PREX1: variants seen among roughly 807,000 people sequenced by gnomAD.
PREX1 encodes phosphatidylinositol-3,4,5-trisphosphate dependent Rac exchange factor 1, also known as phosphatidylinositol 3,4,5-trisphosphate-dependent Rac exchanger 1 protein.
Under a neutral mutation model 198.3 loss-of-function variants are expected in PREX1, and 41 were observed. The ratio of observed to expected loss-of-function variants is 0.21; its 90% confidence interval spans 0.16 to 0.27. PREX1 has a LOEUF of 0.27. Ranked by LOEUF, PREX1 falls within the 10% of genes least tolerant of loss-of-function variation. The probability of loss-of-function intolerance (pLI) is 1.00; values close to 1 mark genes in which losing one functional copy is unlikely to be tolerated. For synonymous variants in PREX1, 843 were observed against 887.2 expected (o/e 0.95, Z 0.89); for missense variants, 1,620 against 2,200.7 (o/e 0.74, Z 5.28).
the PREX1 span, among the ~76,000 whole-genome samples, chr20:48,873,703 A>G: frequency 6.6e-6 from 1 of 152,048 alleles, no homozygotes; most frequent in South Asian, 2.1e-4. Flanking sequence ...CTGGATGACA[A>G]TAGCGAGACT....
At chr20:48,630,946 C>T (rs1159467474) in intron 35 of PREX1, 152 bp from the exon 36 acceptor site, 4 of 631,894 alleles carry the variant, frequency 6.3e-6, no homozygotes, top group East Asian at 2.8e-5. Context: ...TGTGCTCACC[C>T]GCAGGCACCT....
At chr20:48,696,509 C>A in intron 7 of PREX1, among the ~76,000 whole-genome samples, 1 of 152,162 alleles carries the variant, frequency 6.6e-6, no homozygotes, top group Non-Finnish European at 1.5e-5. Flanking sequence ...CCAGTAATAA[C>A]GGTCCCCTAG....
intron 1 of PREX1, among the ~76,000 whole-genome samples, chr20:48,810,774 C>T (rs1656649586): frequency 6.6e-6 from 1 of 151,036 alleles, no homozygotes; most frequent in African/African-American, 2.4e-5. Context: ...GTAGTCCCAG[C>T]TACTTGGGAG....
upstream of PREX1, among the ~76,000 whole-genome samples, chr20:48,829,080 G>A (rs1308950989): frequency 6.6e-6 from 1 of 152,158 alleles, no homozygotes; most frequent in Non-Finnish European, 1.5e-5. Flanking sequence ...GGTCCTCCCC[G>A]GGGTTCCATG....
At chr20:48,764,666 C>T (rs1020727491) in intron 1 of PREX1, among the ~76,000 whole-genome samples, 1 of 151,668 alleles carries the variant, frequency 6.6e-6, no homozygotes, top group Non-Finnish European at 1.5e-5. Flanking sequence ...ACCTGTGGTC[C>T]CAGCTCTTGG....
At chr20:48,653,306 A>C in intron 20 of PREX1, 55 bp downstream of exon 20, 1 of 1,591,258 alleles carries the variant, frequency 6.3e-7, no homozygotes, top group Non-Finnish European at 8.6e-7. Flanking sequence ...GCCCTCAGCC[A>C]CCCACCCCCA....
At chr20:48,885,658 T>G in the PREX1 span, among the ~76,000 whole-genome samples, 1 of 134,670 alleles carries the variant, frequency 7.4e-6, no homozygotes, top group East Asian at 2.2e-4. Flanking sequence ...AACCAAGATG[T>G]CCTCCAATAG....
chr20:48,805,639 G>A (rs189935543), intron 1 of PREX1, among the ~76,000 whole-genome samples: 7 of 152,310 alleles, frequency 4.6e-5, no homozygotes, highest in Admixed American at 4.6e-4. Flanking sequence ...AGCACCGGGG[G>A]CTCCCTTCTT....
chr20:48,731,487 G>A (rs747048436), intron 4 of PREX1, among the ~76,000 whole-genome samples: 11 of 152,238 alleles, frequency 7.2e-5, no homozygotes, highest in African/African-American at 2.2e-4. Flanking sequence ...GATCCCTACC[G>A]CATTATAGGT....
At position 48,690,968 on chromosome 20, in the gene PREX1, G is replaced by A. The variant is rs201887365; in HGVS notation, c.1165C>T (p.Arg389Cys). 100 of 1,614,130 alleles carry A rather than the reference G, an allele frequency of 6.2e-5. No homozygotes were observed. Among genetic ancestry groups the A allele is most frequent in the Non-Finnish European group, 7.5e-5 (88 of 1,180,036 alleles). Reference protein sequence around the residue: ...EKQKWLDAIIREREQRESLKL... With the variant: ...EKQKWLDAIICEREQRESLKL... Reference sequence around the variant, plus strand: ...TCACTCTCGCGCTGCTCCCGCTCGCGGATGATGGCATCCAGCCACTTCTGC... The same window carrying A: ...TCACTCTCGCGCTGCTCCCGCTCGCAGATGATGGCATCCAGCCACTTCTGC... Residue 389 changes from arginine to cysteine, a missense_variant, in exon 9 of 40, where the codon CGC becomes TGC. Physicochemically the swap from Arg to Cys is radical, Grantham distance 180. Around this residue, in one of 7 missense-constraint regions of PREX1, gnomAD observed 488 missense variants for 802.5 expected, o/e 0.61. Transcript: ENST00000371941.
intron 35 of PREX1, 107 bp downstream of exon 35, chr20:48,632,170 C>T: frequency 5.9e-6 from 6 of 1,014,760 alleles, no homozygotes; most frequent in Non-Finnish European, 6.1e-6. Context: ...AAAGGGTGTG[C>T]GGCCCACTGC....
chr20:48,661,077 C>T (rs181814283), intron 15 of PREX1, among the ~76,000 whole-genome samples: 6 of 152,228 alleles, frequency 3.9e-5, no homozygotes, highest in South Asian at 2.1e-4. Context: ...ACAAGCTGTA[C>T]GGCCCACAAA....
At position 48,827,790 on chromosome 20, in the gene PREX1, G is replaced by A. The variant is rs2090516648; in HGVS notation, c.71C>T (p.Ala24Val). ...GGAGCTGGGCGCCGCGGCGCCAGGGGCCCGGGGGTCCGGGTGGGCGCAGTC... is the reference window on the plus strand; with the variant it reads ...GGAGCTGGGCGCCGCGGCGCCAGGGACCCGGGGGTCCGGGTGGGCGCAGTC... ...AGDCAHPDPR[A>V]PGAAAPSSGP... The change falls in exon 1 of 40, where the codon GCC becomes GTC. Residue 24 changes from alanine (A) to valine (V), a missense_variant. By Grantham distance (64) the Ala-to-Val change is moderately conservative. Around this residue, in one of 7 missense-constraint regions of PREX1, gnomAD observed 96 missense variants for 98.7 expected, o/e 0.97. Coordinates refer to ENST00000371941, the MANE Select transcript of PREX1 (RefSeq NM_020820.4). This position sits in a 1 kb window ranked among gnomAD's most constrained non-coding sequence, Gnocchi z 4.1. The A allele has an allele frequency of 5.4e-6, 6 of 1,115,382 alleles. No individual in the cohort carries two copies. The highest frequency in any genetic ancestry group is 1.0e-4 in the Admixed American group (2 of 19,324). 69.1% of individuals were successfully genotyped at this position (1,115,382 alleles called of 1,614,324 possible).
At chr20:48,839,890 C>T in the PREX1 span, among the ~76,000 whole-genome samples, 1 of 152,196 alleles carries the variant, frequency 6.6e-6, no homozygotes. Context: ...TGAATGTCTC[C>T]CTGGAGGAGA....
the PREX1 span, among the ~76,000 whole-genome samples, chr20:48,838,507 A>C: frequency 6.6e-6 from 1 of 152,192 alleles, no homozygotes; most frequent in Non-Finnish European, 1.5e-5. Flanking sequence ...GTAAGTAAAT[A>C]CTTAAATATA....
intron 1 of PREX1, among the ~76,000 whole-genome samples, chr20:48,752,720 T>C (rs1454287430): frequency 6.6e-6 from 1 of 152,016 alleles, no homozygotes; most frequent in Non-Finnish European, 1.5e-5. Flanking sequence ...CCTGCCTCAC[T>C]CCCCCACTCT....
intron 5 of PREX1, among the ~76,000 whole-genome samples, chr20:48,724,694 C>G (rs1427639184): frequency 3.3e-5 from 5 of 152,270 alleles, no homozygotes; most frequent in Non-Finnish European, 7.3e-5. Flanking sequence ...CTATATTTGG[C>G]CCAGAGGCCA....
intron 5 of PREX1, among the ~76,000 whole-genome samples, chr20:48,713,624 G>C (rs1568835995): frequency 6.6e-6 from 1 of 151,776 alleles, no homozygotes; most frequent in African/African-American, 2.4e-5. Context: ...TGTAGTTCCA[G>C]CTTTTGGAAG....
At chr20:48,655,860 G>A (rs888393028) in intron 18 of PREX1, among the ~76,000 whole-genome samples, 4 of 152,204 alleles carry the variant, frequency 2.6e-5, no homozygotes, top group African/African-American at 9.6e-5. Flanking sequence ...GGCAGCACCT[G>A]CCAGGGAGGG....
Sources: gnomAD v4.1 joint callset for allele counts (sites outside exome capture counted in the v4.1 genomes callset) on GRCh38, gnomAD v4.1.1 for gene constraint, gnomAD v4.1.1 regional missense constraint, Gnocchi (gnomAD v3.1) non-coding constraint, MANE v1.5 for transcripts, NCBI Gene and HGNC (gene_info 2026-07-23, HGNC 2026-07-21) for gene names.